Variants in CPQ observed in about 807,000 individuals in gnomAD.
CPQ encodes Ser-Met dipeptidase.
Under a neutral mutation model 45.7 loss-of-function variants are expected in CPQ, and 37 were observed. The observed-to-expected ratio is 0.81, with a 90% CI of 0.62 to 1.07. CPQ has a LOEUF of 1.07. Among genes scored for constraint, CPQ ranks in the 50% least tolerant of loss-of-function variants. The probability of loss-of-function intolerance (pLI) is 0.00; values close to 1 mark genes in which losing one functional copy is unlikely to be tolerated. For missense variants in CPQ, 537 were observed against 572.9 expected (o/e 0.94, Z 0.64); for synonymous variants, 186 against 205.8 (o/e 0.90, Z 0.82).
chr8:96,708,223 A>T (rs748866604), intron 1 of CPQ, among the ~76,000 whole-genome samples: 1 of 152,008 alleles, frequency 6.6e-6, no homozygotes, highest in Non-Finnish European at 1.5e-5. Flanking sequence ...GATTACACTG[A>T]GCACACCTTG....
intron 2 of CPQ, among the ~76,000 whole-genome samples, chr8:96,815,791 A>G (rs1242643786): frequency 1.3e-5 from 2 of 152,166 alleles, no homozygotes; most frequent in African/African-American, 4.8e-5. Context: ...TATCACAATA[A>G]AATTTTTTGG....
chr8:97,023,364 T>C (rs1458265227), intron 5 of CPQ, among the ~76,000 whole-genome samples: 2 of 151,954 alleles, frequency 1.3e-5, no homozygotes, highest in East Asian at 1.9e-4. Flanking sequence ...AGACCACAAA[T>C]TGGGTGCAGT....
intron 3 of CPQ, among the ~76,000 whole-genome samples, chr8:96,852,623 T>C (rs1811786537): frequency 6.6e-6 from 1 of 152,192 alleles, no homozygotes; most frequent in Non-Finnish European, 1.5e-5. Context: ...TAGAGAAGTT[T>C]TTCACTCTTC....
rs1220925720 is a variant in CPQ at position 96,880,557 on chromosome 8, A to G, written c.849+552A>G. ...TATATATATATATATATATATATAT[A>G]TATATATATATATATATATACCATG... is the stretch of plus-strand genomic sequence containing the variant. On this transcript the variant is annotated intron_variant, in intron 4 of 7. Coordinates refer to ENST00000220763, the MANE Select transcript of CPQ (RefSeq NM_016134.4). Among the ~76,000 whole-genome samples, 20 of 72,690 alleles carry G rather than the reference A, an allele frequency of 2.8e-4. 1 individual carries two copies. The highest frequency in any genetic ancestry group is 5.7e-4 in the Admixed American group (4 of 7,006). 47.7% of individuals were successfully genotyped at this position (72,690 alleles called of 152,430 possible).
chr8:96,850,694 C>T lies in CPQ; in HGVS notation c.641+15514C>T, dbSNP rs147078400. ...GTGAGATCTTGGCTCACCACAACCT[C>T]TGTCTCCAGGGTTCAAGCGATTCTC... On this transcript the variant is annotated intron_variant, in intron 3 of 7. Transcript: ENST00000220763. 5.1e-3 allele frequency among the ~76,000 whole-genome samples: 777 copies of T among 151,914 alleles called. 3 individuals carry two copies. The highest frequency in any genetic ancestry group is 0.015 in the African/African-American group (618 of 41,384).
intron 4 of CPQ, among the ~76,000 whole-genome samples, chr8:96,882,833 G>T (rs1812246354): frequency 6.6e-6 from 1 of 152,092 alleles, no homozygotes; most frequent in African/African-American, 2.4e-5. Context: ...TGTACAATTT[G>T]ATGAGTTTGG....
At chr8:96,911,029 ATAATT>A (rs2130904387) in intron 4 of CPQ, among the ~76,000 whole-genome samples, 1 of 152,174 alleles carries the variant, frequency 6.6e-6, no homozygotes, top group South Asian at 2.1e-4. Context: ...ATTATTATCT[ATAATT>A]TAATAGTTGT....
chr8:96,812,326 A>G (rs1397618359), intron 2 of CPQ, among the ~76,000 whole-genome samples: 1 of 152,160 alleles, frequency 6.6e-6, no homozygotes, highest in Non-Finnish European at 1.5e-5. Flanking sequence ...GTTTAAATAC[A>G]TTTAAGTTTA....
chr8:96,903,016 C>T (rs1437852588), intron 4 of CPQ, among the ~76,000 whole-genome samples: 3 of 152,122 alleles, frequency 2.0e-5, no homozygotes, highest in African/African-American at 4.8e-5. Flanking sequence ...GATAGTGATC[C>T]TTCAGTTGGC....
rs535837545 is a variant in CPQ at position 96,712,776 on chromosome 8, TGACATGCCCTGGA to T, written c.-35+67380_-35+67392del. ...TAGTAGGGGCTGCCATGAAGGTCTCTGACATGCCCTGGAGACATTTTTCCCGTTGTCTTGATGG... is the reference window on the plus strand; with the variant it reads ...TAGTAGGGGCTGCCATGAAGGTCTCTGACATTTTTCCCGTTGTCTTGATGG... On this transcript the variant is annotated intron_variant, in intron 1 of 7. Coordinates refer to ENST00000220763, the MANE Select transcript of CPQ (RefSeq NM_016134.4). Among the ~76,000 whole-genome samples, 53 of 152,322 alleles carry T rather than the reference TGACATGCCCTGGA, an allele frequency of 3.5e-4. No homozygotes were observed. In the South Asian group the frequency reaches 9.5e-3, roughly 27 times the overall value.
chr8:97,119,742 C>T (rs1811666470), intron 7 of CPQ, among the ~76,000 whole-genome samples: 1 of 152,158 alleles, frequency 6.6e-6, no homozygotes, highest in African/African-American at 2.4e-5. Flanking sequence ...GATACTGCAC[C>T]AGAATCTAAT....
chr8:96,829,532 C>T (rs1811422963), intron 2 of CPQ, among the ~76,000 whole-genome samples: 1 of 152,082 alleles, frequency 6.6e-6, no homozygotes, highest in Admixed American at 6.6e-5. Context: ...GTCCCACTGT[C>T]TGTTTTGGGG....
In CPQ at chr8:96,788,163, C is replaced by CT. The variant is rs546288408; in HGVS notation, c.433+2845dup. On this transcript the variant is annotated intron_variant, in intron 2 of 7. Transcript: ENST00000220763. ...CTCCATTGTTTCTTTTTCTTTCTTC[C>CT]TTTTTTTTTTTTGAGATGGAGTTTC... Among the ~76,000 whole-genome samples, 1,050 of 140,204 alleles carry CT rather than the reference C, an allele frequency of 7.5e-3. 15 individuals are homozygous for CT. The highest frequency in any genetic ancestry group is 0.022 in the African/African-American group (855 of 38,302). 92.0% of individuals were successfully genotyped at this position (140,204 alleles called of 152,430 possible).
intron 1 of CPQ, among the ~76,000 whole-genome samples, chr8:96,688,884 T>A (rs915387743): frequency 2.0e-5 from 3 of 152,176 alleles, no homozygotes; most frequent in Admixed American, 6.5e-5. Context: ...AGTAGGATAG[T>A]TCTAGTATCT....
intron 1 of CPQ, among the ~76,000 whole-genome samples, chr8:96,777,053 G>A (rs1810614430): frequency 2.0e-5 from 3 of 152,164 alleles, no homozygotes; most frequent in Admixed American, 6.5e-5. Context: ...TTGCTTGAGA[G>A]AGCAGTAGAG....
At chr8:96,828,558 C>T (rs1302871190) in intron 2 of CPQ, among the ~76,000 whole-genome samples, 1 of 152,000 alleles carries the variant, frequency 6.6e-6, no homozygotes, top group Non-Finnish European at 1.5e-5. Flanking sequence ...AACTCACCTC[C>T]ATATCCCACC....
At chr8:96,671,001 A>C (rs907728529) in intron 1 of CPQ, among the ~76,000 whole-genome samples, 4 of 152,146 alleles carry the variant, frequency 2.6e-5, no homozygotes, top group Non-Finnish European at 5.9e-5. Context: ...CTTCTGATAA[A>C]GTACTGTAGT....
At chr8:97,046,778 G>GT (rs1430652223) in intron 6 of CPQ, among the ~76,000 whole-genome samples, 1 of 152,108 alleles carries the variant, frequency 6.6e-6, no homozygotes, top group African/African-American at 2.4e-5. Flanking sequence ...AGCTGGCAGT[G>GT]TTTTTTCCCC....
chr8:96,994,964 G>T (rs1208634393), intron 5 of CPQ, among the ~76,000 whole-genome samples: 1 of 152,072 alleles, frequency 6.6e-6, no homozygotes, highest in Non-Finnish European at 1.5e-5. Context: ...CGAATCTAGT[G>T]AATGATGGGA....
Sources: allele counts gnomAD v4.1 joint callset (sites outside exome capture counted in the v4.1 genomes callset), GRCh38; gene constraint gnomAD v4.1.1; transcripts MANE v1.5; gene names NCBI Gene and HGNC (gene_info 2026-07-23, HGNC 2026-07-21).